AATF: variants seen among roughly 807,000 people sequenced by gnomAD.
The protein encoded by AATF is protein AATF.
AATF carries 48 observed loss-of-function variants against 63.7 expected under a neutral mutation model. The ratio of observed to expected loss-of-function variants is 0.75; its 90% confidence interval spans 0.60 to 0.96. The LOEUF (loss-of-function observed/expected upper bound fraction) is 0.96. AATF is among the 40% of genes least tolerant of loss of function. The pLI is 0.00. For synonymous variants in AATF, 258 were observed against 247.7 expected (o/e 1.04, Z -0.39); for missense variants, 639 against 685.7 (o/e 0.93, Z 0.76).
chr17:37,034,678 A>G (rs1180305578), intron 11 of AATF: 1 of 152,236 alleles, frequency 6.6e-6, no homozygotes, highest in Non-Finnish European at 1.5e-5. Context: ...ATTGAAAAAG[A>G]CATCAAAAAC....
intron 8 of AATF, among the ~76,000 whole-genome samples, chr17:37,009,740 C>T (rs1233046284): frequency 6.9e-6 from 1 of 144,028 alleles, no homozygotes; most frequent in Admixed American, 7.0e-5. Flanking sequence ...TGGCGTGAAT[C>T]CGGGAAGCGG....
At position 36,950,354 on chromosome 17, in the gene AATF, A is replaced by G. The variant is rs761062956; in HGVS notation, c.232A>G (p.Arg78Gly). 22 of 1,614,092 alleles carry G rather than the reference A, an allele frequency of 1.4e-5. No homozygotes were observed. Among genetic ancestry groups the G allele is most frequent in the Admixed American group, 6.7e-5 (4 of 60,012 alleles). The change falls in exon 2 of 12, where the codon AGA becomes GGA. Residue 78 changes from arginine to glycine, a missense_variant. Transcript: ENST00000619387. ...DKRYCGKTTS[R>G]KAWNEDHWEQ... ...AAGGTATTGCGGCAAAACCACCTCT[A>G]GAAAAGCATGGAATGAAGACCATTG... is the stretch of plus-strand genomic sequence containing the variant.
intron 11 of AATF, among the ~76,000 whole-genome samples, chr17:37,038,731 C>G (rs1318065090): frequency 6.6e-6 from 1 of 152,062 alleles, no homozygotes; most frequent in Non-Finnish European, 1.5e-5. Flanking sequence ...TCAATTTTAG[C>G]TCCCTGTTCT....
chr17:36,988,681 G>A lies in AATF; in HGVS notation c.1110G>A (p.Trp370Ter), dbSNP rs147339974. Reference sequence around the variant, plus strand: ...ACAGGAACCGCACACTTCAGAAATGGCACGATAAGACCAAACTGGCTTCTG... The same window carrying A: ...ACAGGAACCGCACACTTCAGAAATGACACGATAAGACCAAACTGGCTTCTG... The part of the protein sequence containing the change: ...TVYRNRTLQK[W>*]HDKTKLASGK... Residue 370 changes from tryptophan to a stop codon, truncating the protein, a stop_gained, in exon 6 of 12, where the codon TGG becomes TGA. Transcript: ENST00000619387. LOFTEE classifies it high-confidence loss of function. The A allele has an allele frequency of 1.5e-5, 25 of 1,613,906 alleles. No homozygotes were observed. Among genetic ancestry groups the A allele is most frequent in the Non-Finnish European group, 1.9e-5 (23 of 1,179,980 alleles).
intron 10 of AATF, among the ~76,000 whole-genome samples, chr17:37,027,819 C>G (rs932486126): frequency 3.3e-5 from 5 of 152,076 alleles, no homozygotes; most frequent in African/African-American, 1.2e-4. Context: ...TGGCTAGTAG[C>G]TACTGTATTG....
chr17:36,959,549 G>C (rs1233431669), intron 4 of AATF, among the ~76,000 whole-genome samples: 2 of 152,148 alleles, frequency 1.3e-5, no homozygotes. Context: ...AAGGCAAAAG[G>C]TCCTAGAGAG....
At chr17:36,971,740 C>G (rs1477504111) in intron 4 of AATF, among the ~76,000 whole-genome samples, 1 of 152,140 alleles carries the variant, frequency 6.6e-6, no homozygotes, top group Admixed American at 6.5e-5. Context: ...ACTATTGATA[C>G]ATGCAAAAAC....
At chr17:36,969,128 G>A (rs979772141) in intron 4 of AATF, among the ~76,000 whole-genome samples, 3 of 152,044 alleles carry the variant, frequency 2.0e-5, no homozygotes, top group African/African-American at 7.3e-5. Flanking sequence ...ATGTTGGATG[G>A]GGCTTTTTGT....
At chr17:36,972,768 T>G (rs1162239082) in intron 4 of AATF, among the ~76,000 whole-genome samples, 2 of 152,170 alleles carry the variant, frequency 1.3e-5, no homozygotes, top group Non-Finnish European at 2.9e-5. Context: ...TGTTTGTTTC[T>G]TGTTTTTTAA....
chr17:37,053,443 T>G (rs1056115457), intron 11 of AATF, among the ~76,000 whole-genome samples: 12 of 152,170 alleles, frequency 7.9e-5, no homozygotes, highest in Admixed American at 3.9e-4. Flanking sequence ...ATTTACAGAC[T>G]AATGTGGCCA....
chr17:36,985,099 G>T (rs907474610), intron 4 of AATF, among the ~76,000 whole-genome samples: 8 of 151,962 alleles, frequency 5.3e-5, no homozygotes, highest in African/African-American at 1.7e-4. Flanking sequence ...ACGGGGTTTC[G>T]CCATGTTGGC....
In AATF at chr17:36,956,395, G is replaced by A. The variant is rs145674634; in HGVS notation, c.832+2488G>A. Among the ~76,000 whole-genome samples, 80 of 152,270 alleles carry A rather than the reference G, an allele frequency of 5.3e-4. No individual in the cohort carries two copies. In the East Asian group the frequency reaches 0.015, roughly 28 times the overall value. The stretch of plus-strand genomic sequence containing the variant: ...GACTTTAAGAAAAAAATTCTTGGCC[G>A]GGTGCAGTGGCTCACGCCTGTAATG... On this transcript the variant is annotated intron_variant, in intron 4 of 11. Coordinates refer to ENST00000619387, the MANE Select transcript of AATF (RefSeq NM_012138.4).
chr17:36,953,919 T>A lies in AATF; in HGVS notation c.832+12T>A. 4 of 1,612,544 alleles carry A rather than the reference T, an allele frequency of 2.5e-6. No homozygotes were observed. The highest frequency in any genetic ancestry group is 3.4e-6 in the Non-Finnish European group (4 of 1,179,426). ...TGCCCTGAAAAATAGTAAGAATACT[T>A]ATGTCCTGTTGGAATACTTAGAACC... On this transcript the variant is annotated intron_variant, in intron 4 of 11. Coordinates refer to ENST00000619387, the MANE Select transcript of AATF (RefSeq NM_012138.4).
chr17:37,048,200 G>A (rs2071710899), intron 11 of AATF, among the ~76,000 whole-genome samples: 1 of 151,962 alleles, frequency 6.6e-6, no homozygotes, highest in African/African-American at 2.4e-5. Context: ...GTGAGGGAGA[G>A]TAAGTACCGA....
chr17:36,989,000 A>G (rs898495393), intron 6 of AATF, among the ~76,000 whole-genome samples: 1 of 152,232 alleles, frequency 6.6e-6, no homozygotes, highest in African/African-American at 2.4e-5. Context: ...GTGGATTTCA[A>G]AGCAATAATT....
rs909047085 is a variant in AATF, at chr17:37,021,819, AAATAAT to A, written c.1547+823_1547+828del. 6.8e-4 allele frequency among the ~76,000 whole-genome samples: 66 copies of A among 96,462 alleles called. 2 individuals are homozygous for A. Among genetic ancestry groups the A allele is most frequent in the African/African-American group, 1.7e-3 (23 of 13,640 alleles). 63.3% of individuals were successfully genotyped at this position (96,462 alleles called of 152,430 possible). A position where few individuals can be genotyped will look rare whatever the true frequency, so the allele number is the denominator to read the frequency against. The stretch of plus-strand genomic sequence containing the variant: ...GACTCCGTCTCAAAAAAAAAAAAAA[AAATAAT>A]AATAATAATAATAATAAATATAAAA... On this transcript the variant is annotated intron_variant, in intron 10 of 11. Coordinates refer to ENST00000619387, the MANE Select transcript of AATF (RefSeq NM_012138.4).
Position 36,994,931 on chromosome 17 carries a change from G to C in AATF, c.1398+4074G>C, listed in dbSNP as rs1193114603. Among the ~76,000 whole-genome samples the C allele has an allele frequency of 1.3e-5, 2 of 152,180 alleles. 1 individual carries two copies. Among genetic ancestry groups the C allele is most frequent in the South Asian group, 4.1e-4 (2 of 4,834 alleles). On this transcript the variant is annotated intron_variant, in intron 8 of 11. Transcript: ENST00000619387. ...TTGATTTAATCCTCACAAGATCCTCGTATTGTGATGTAACTGCACTTAGCA... is the reference window on the plus strand; with the variant it reads ...TTGATTTAATCCTCACAAGATCCTCCTATTGTGATGTAACTGCACTTAGCA...
intron 4 of AATF, among the ~76,000 whole-genome samples, chr17:36,985,148 C>T (rs985268338): frequency 9.4e-4 from 143 of 152,190 alleles, no homozygotes; most frequent in African/African-American, 3.0e-3. Flanking sequence ...ATGATCCACC[C>T]GCCTCCGCCT....
intron 10 of AATF, 119 bp from the exon 11 acceptor site, chr17:37,031,495 C>A: frequency 1.2e-6 from 1 of 843,702 alleles, no homozygotes; most frequent in East Asian, 2.5e-5. Context: ...TTCCCTATCC[C>A]ACTTTGTACC....
Sources: allele counts gnomAD v4.1 joint callset (sites outside exome capture counted in the v4.1 genomes callset), GRCh38; gene constraint gnomAD v4.1.1; transcripts MANE v1.5; gene names NCBI Gene and HGNC (gene_info 2026-07-23, HGNC 2026-07-21).